Variants in ATXN10 observed in about 807,000 individuals in gnomAD.
ATXN10 encodes ataxin-10.
A neutral mutation model predicts 52.9 loss-of-function variants in ATXN10; 28 were observed. That is an observed-to-expected ratio of 0.53 (90% confidence interval 0.39 to 0.73). The LOEUF is 0.73. ATXN10 is among the 30% of genes least tolerant of loss of function. ATXN10 has a pLI of 0.00. For synonymous variants in ATXN10, 226 were observed against 221.5 expected (o/e 1.02, Z -0.18); for missense variants, 565 against 577.0 (o/e 0.98, Z 0.21).
chr22:45,672,321 C>T lies in ATXN10; in HGVS notation c.116+142C>T, dbSNP rs1922489321. ...GCCTGCGCGGGCTGCCTGAGCGCCA[C>T]CCAGGCCTCCCGACTCCCAGGCACC... On this transcript the variant is annotated intron_variant, in intron 1 of 11. Coordinates refer to ENST00000252934, the MANE Select transcript of ATXN10 (RefSeq NM_013236.4). 9 of 933,618 alleles carry T rather than the reference C, an allele frequency of 9.6e-6. No individual in the cohort carries two copies. In the South Asian group the frequency reaches 4.5e-4, roughly 47 times the overall value. The allele number at this position is 933,618 out of a possible 1,614,324, so 57.8% of individuals were successfully genotyped here.
chr22:45,843,530 A>AT lies in ATXN10; in HGVS notation c.1426-138dup. Reference sequence around the variant, plus strand: ...TTTAAAAAACAGAACTCCTTGAATAATATTGCATGAATTGTTTTAGGTTTC... The same window carrying AT: ...TTTAAAAAACAGAACTCCTTGAATAATTATTGCATGAATTGTTTTAGGTTTC... On this transcript the variant is annotated intron_variant, in intron 11 of 11. Coordinates refer to ENST00000252934, the MANE Select transcript of ATXN10 (RefSeq NM_013236.4). This position sits in a 1 kb window ranked among gnomAD's most constrained non-coding sequence, Gnocchi z 4.5. 1.3e-6 allele frequency: 1 copy of AT among 789,872 alleles called. No individual in the cohort carries two copies. Among genetic ancestry groups the AT allele is most frequent in the East Asian group, 2.7e-5 (1 of 37,596 alleles). The allele number at this position is 789,872 out of a possible 1,614,324, so 48.9% of individuals were successfully genotyped here. A position where few individuals can be genotyped will look rare whatever the true frequency, so the allele number is the denominator to read the frequency against.
At chr22:45,711,264 A>G (rs757230877) in intron 5 of ATXN10, among the ~76,000 whole-genome samples, 7 of 152,160 alleles carry the variant, frequency 4.6e-5, no homozygotes, top group Non-Finnish European at 1.0e-4. Flanking sequence ...AAAAAAAGCC[A>G]ATGAATCCCC....
chr22:45,689,994 T>C (rs1923308018), intron 2 of ATXN10, 91 bp downstream of exon 2: 2 of 1,366,084 alleles, frequency 1.5e-6, no homozygotes, highest in Non-Finnish European at 2.1e-6. Context: ...TGTTTTGGGC[T>C]GGGTAAGGTG....
chr22:45,834,072 G>A (rs1020131197), intron 10 of ATXN10, among the ~76,000 whole-genome samples: 12 of 152,184 alleles, frequency 7.9e-5, no homozygotes, highest in Non-Finnish European at 1.2e-4. Context: ...GGCACATCCT[G>A]TGTCCTGGAA....
intron 1 of ATXN10, chr22:45,673,981 C>CT (rs1356808796): frequency 5.3e-5 from 8 of 152,266 alleles, no homozygotes; most frequent in Admixed American, 3.3e-4. Context: ...CTTCTTGACT[C>CT]TATCTCTTGT....
intron 5 of ATXN10, among the ~76,000 whole-genome samples, chr22:45,710,296 C>G (rs1254958804): frequency 6.6e-6 from 1 of 152,162 alleles, no homozygotes; most frequent in African/African-American, 2.4e-5. Flanking sequence ...TTGTTCTGTC[C>G]TGAATCTTTA....
rs758657186 is a variant in ATXN10, at chr22:45,783,794, A to G, written c.1174-23165A>G. On this transcript the variant is annotated intron_variant, in intron 9 of 11. Coordinates refer to ENST00000252934, the MANE Select transcript of ATXN10 (RefSeq NM_013236.4). The surrounding 1 kb of genome is among the most constrained non-coding windows in gnomAD (Gnocchi z 5.0). ...AGAGGTGCCAGGTGTTAGCACACAG[A>G]GAAATAGGTCTTGGAAAAAGGACCT... is the stretch of plus-strand genomic sequence containing the variant. Among the ~76,000 whole-genome samples, 3 of 152,232 alleles carry G rather than the reference A, an allele frequency of 2.0e-5. No individual in the cohort carries two copies. Among genetic ancestry groups the G allele is most frequent in the Non-Finnish European group, 4.4e-5 (3 of 68,038 alleles).
chr22:45,755,282 A>C (rs1926133572), intron 9 of ATXN10, among the ~76,000 whole-genome samples: 1 of 152,114 alleles, frequency 6.6e-6, no homozygotes. Flanking sequence ...TTAACTTTTC[A>C]TTTCCTTTAG....
rs1569052219 is a variant in ATXN10 at position 45,757,235 on chromosome 22, G to A, written c.1173+16697G>A. Among the ~76,000 whole-genome samples the A allele has an allele frequency of 6.6e-6, 1 of 152,174 alleles. No homozygotes were observed. Among genetic ancestry groups the A allele is most frequent in the Non-Finnish European group, 1.5e-5 (1 of 68,036 alleles). On this transcript the variant is annotated intron_variant, in intron 9 of 11. Transcript: ENST00000252934. This position sits in a 1 kb window ranked among gnomAD's most constrained non-coding sequence, Gnocchi z 4.6. ...CCTTGGAGCAGTTCGAAGAGAGGGC[G>A]TGTCCTTTGCCTGTTGGAATTCCAA...
At chr22:45,785,134 G>A (rs1388730613) in intron 9 of ATXN10, among the ~76,000 whole-genome samples, 2 of 152,200 alleles carry the variant, frequency 1.3e-5, no homozygotes, top group African/African-American at 2.4e-5. Context: ...CTCTGCTGCT[G>A]CCATGGTTTA....
In ATXN10 at chr22:45,671,869, T is replaced by C. The variant is rs1049530902; in HGVS notation, c.-195T>C. 3.9e-6 allele frequency: 2 copies of C among 514,500 alleles called. No individual in the cohort carries two copies. The highest frequency in any genetic ancestry group is 3.9e-5 in the East Asian group (1 of 25,638). 31.9% of individuals were successfully genotyped at this position (514,500 alleles called of 1,614,324 possible). A position where few individuals can be genotyped will look rare whatever the true frequency, so the allele number is the denominator to read the frequency against. ...CCTCCCGCCTGAGGCGAGTCTGGGC[T>C]CAGCCTAGAGCTCTCCGGCGGCGGC... On this transcript the variant is annotated 5_prime_UTR_variant, in exon 1 of 12. Transcript: ENST00000252934.
At chr22:45,751,981 G>C (rs1260985088) in intron 9 of ATXN10, among the ~76,000 whole-genome samples, 1 of 150,182 alleles carries the variant, frequency 6.7e-6, no homozygotes, top group African/African-American at 2.5e-5. Context: ...AAAGCTGATT[G>C]CTTATCTTAT....
rs1923612777 is a variant in ATXN10, at chr22:45,696,536, AC to A, written c.391+3459del. Among the ~76,000 whole-genome samples, 1 of 152,212 alleles carries A rather than the reference AC, an allele frequency of 6.6e-6. No individual in the cohort carries two copies. The highest frequency in any genetic ancestry group is 6.5e-5 in the Admixed American group (1 of 15,276). On this transcript the variant is annotated intron_variant, in intron 3 of 11. Transcript: ENST00000252934. This position sits in a 1 kb window ranked among gnomAD's most constrained non-coding sequence, Gnocchi z 4.7. ...CCACCATGTGCTGGATTTCATCGCCACTTGCCCACGCAGAAGCTTTTCTCCT... is the reference window on the plus strand; with the variant it reads ...CCACCATGTGCTGGATTTCATCGCCATTGCCCACGCAGAAGCTTTTCTCCT...
intron 5 of ATXN10, among the ~76,000 whole-genome samples, chr22:45,703,627 G>A (rs1923925339): frequency 6.6e-6 from 1 of 152,136 alleles, no homozygotes; most frequent in Non-Finnish European, 1.5e-5. Context: ...CTACTTTTAG[G>A]TTTAGACAGT....
At position 45,722,501 on chromosome 22, in the gene ATXN10, T is replaced by C. The variant is rs374071396; in HGVS notation, c.728+4008T>C. On this transcript the variant is annotated intron_variant, in intron 6 of 11. Coordinates refer to ENST00000252934, the MANE Select transcript of ATXN10 (RefSeq NM_013236.4). ...TTAAAGATTCATTTCTGACTTTGAC[T>C]GCTTCTTTCCTTTGAAATCACTCAG... Among the ~76,000 whole-genome samples, 12 of 152,260 alleles carry C rather than the reference T, an allele frequency of 7.9e-5. No individual in the cohort carries two copies. In the South Asian group the frequency reaches 2.1e-3, roughly 26 times the overall value.
chr22:45,803,765 G>A (rs1451072937), intron 9 of ATXN10, among the ~76,000 whole-genome samples: 2 of 152,126 alleles, frequency 1.3e-5, no homozygotes, highest in Non-Finnish European at 2.9e-5. Context: ...CCATCCTGCT[G>A]GTAGACGTGG....
chr22:45,796,721 C>T (rs1004929049), intron 9 of ATXN10, among the ~76,000 whole-genome samples: 4 of 152,226 alleles, frequency 2.6e-5, no homozygotes, highest in African/African-American at 9.6e-5. Flanking sequence ...TGGTCTCGAA[C>T]TCCTGACCTC....
rs183947099 is a variant in ATXN10, at chr22:45,785,075, C to T, written c.1174-21884C>T. Among the ~76,000 whole-genome samples the T allele has an allele frequency of 2.0e-3, 305 of 152,274 alleles. 3 individuals carry two copies. Among genetic ancestry groups the T allele is most frequent in the Non-Finnish European group, 7.4e-4 (50 of 68,026 alleles). On this transcript the variant is annotated intron_variant, in intron 9 of 11. Transcript: ENST00000252934. ...TATTTTTGTTCTAAATGTAGCTGTG[C>T]GTGTTAGCACAGATGTGCCGAAACA...
chr22:45,674,355 GGT>G (rs1199431903), intron 1 of ATXN10: 12 of 152,442 alleles, frequency 7.9e-5, no homozygotes, highest in African/African-American at 2.9e-4. Context: ...GACCAGGAAA[GGT>G]GAACTGATGT....
Sources: gnomAD v4.1 joint callset for allele counts (sites outside exome capture counted in the v4.1 genomes callset) on GRCh38, gnomAD v4.1.1 for gene constraint, Gnocchi (gnomAD v3.1) non-coding constraint, MANE v1.5 for transcripts, NCBI Gene and HGNC (gene_info 2026-07-23, HGNC 2026-07-21) for gene names.